The following SPG11 variants were observed in gnomAD, a reference collection of about 807,000 sequenced individuals.
The protein encoded by SPG11 is spatacsin.
In SPG11, 222 loss-of-function variants were observed where a neutral mutation model predicts 274.0. That is an observed-to-expected ratio of 0.81 (90% CI 0.73 to 0.91). The LOEUF is 0.91. Among genes scored for constraint, SPG11 ranks in the 40% least tolerant of loss-of-function variants. The pLI, the probability that SPG11 is intolerant of heterozygous loss-of-function variation, is 0.00. For missense variants in SPG11, 3,114 were observed against 2,872.7 expected, an observed-to-expected ratio of 1.08 and a Z score of -1.92; for synonymous variants, 1,144 against 1,039.7, an observed-to-expected ratio of 1.10 and a Z score of -1.93.
At chr15:44,606,136 AT>A in intron 19 of SPG11, 45 bp from the exon 20 acceptor site, 1 of 1,566,916 alleles carries the variant, frequency 6.4e-7, no homozygotes, top group Non-Finnish European at 8.8e-7. Flanking sequence ...TTCACTGATT[AT>A]AAAATAGGTA....
At position 44,577,059 on chromosome 15, in the gene SPG11, C is replaced by T. The variant is rs147479097; in HGVS notation, c.5867-2018G>A. The stretch of plus-strand genomic sequence containing the variant: ...GCCAGGCTGGTCTTGAACTCCTGAC[C>T]TCAGGTGATCTGCCCACCTTGGCCT... On this transcript the variant is annotated intron_variant, in intron 30 of 39. Coordinates refer to ENST00000261866, the MANE Select transcript of SPG11 (RefSeq NM_025137.4). Among the ~76,000 whole-genome samples the T allele has an allele frequency of 6.2e-3, 943 of 152,246 alleles. 13 individuals carry two copies. Among genetic ancestry groups the T allele is most frequent in the African/African-American group, 0.022 (908 of 41,546 alleles).
chr15:44,656,529 G>A (rs2141119362), intron 4 of SPG11, among the ~76,000 whole-genome samples: 1 of 152,308 alleles, frequency 6.6e-6, no homozygotes, highest in Non-Finnish European at 1.5e-5. Flanking sequence ...TAGGTCAGAG[G>A]ACAGGTGAAG....
At position 44,622,287 on chromosome 15, in the gene SPG11, C is replaced by T. The variant is rs546601155; in HGVS notation, c.2377G>A (p.Val793Met). The change falls in exon 13 of 40, where the codon GTG (valine) becomes ATG (methionine). Residue 793 changes from valine to methionine, a missense_variant. By Grantham distance (21) the Val-to-Met change is conservative. Coordinates refer to ENST00000261866, the MANE Select transcript of SPG11 (RefSeq NM_025137.4). ...SEKEKRTIDF[V>M]HQVEKLYLGH... ...AAATAAAGCTTCTCAACTTGATGCA[C>T]GAAGTCTATAGTTCTTTTCTCTTTT... 737 of 1,595,112 alleles carry T rather than the reference C, an allele frequency of 4.6e-4. 10 individuals are homozygous for T. In the South Asian group the frequency reaches 7.8e-3, roughly 17 times the overall value.
At chr15:44,590,209 G>C (rs548903210) in intron 27 of SPG11, among the ~76,000 whole-genome samples, 1 of 152,260 alleles carries the variant, frequency 6.6e-6, no homozygotes, top group African/African-American at 2.4e-5. Flanking sequence ...ACATTACTTC[G>C]CTAGTTCTAC....
At position 44,567,588 on chromosome 15, in the gene SPG11, C is replaced by A; in HGVS notation, c.6590G>T (p.Gly2197Val). ...VLMRKKLDPSGTLKTALLDYI... is the reference protein window; with the variant it reads ...VLMRKKLDPSVTLKTALLDYI... The stretch of plus-strand genomic sequence containing the variant: ...GTCCAGCAGGGCTGTTTTCAGGGTA[C>A]CACTCTGCCCAGAATAAAAGGGAAA... The change falls in exon 36 of 40, where the codon GGT becomes GTT. Residue 2197 changes from glycine to valine, a missense_variant. Coordinates refer to ENST00000261866, the MANE Select transcript of SPG11 (RefSeq NM_025137.4). 6.2e-7 allele frequency: 1 copy of A among 1,613,946 alleles called. No homozygotes were observed. The highest frequency in any genetic ancestry group is 2.2e-5 in the East Asian group (1 of 44,860).
intron 30 of SPG11, among the ~76,000 whole-genome samples, chr15:44,583,512 T>C (rs867305180): frequency 6.6e-6 from 1 of 152,202 alleles, no homozygotes; most frequent in Admixed American, 6.5e-5. Flanking sequence ...TATTTCTATA[T>C]ACTATCAATG....
intron 7 of SPG11, among the ~76,000 whole-genome samples, chr15:44,644,894 T>C (rs1210037691): frequency 1.3e-5 from 2 of 152,090 alleles, no homozygotes; most frequent in Non-Finnish European, 2.9e-5. Context: ...GCAATGAGAA[T>C]TACAGAACAA....
intron 28 of SPG11, 95 bp downstream of exon 28, chr15:44,589,157 C>G: frequency 7.9e-7 from 1 of 1,272,168 alleles, no homozygotes; most frequent in Non-Finnish European, 1.1e-6. Context: ...GTTAATGTTA[C>G]ATGCATTTTA....
chr15:44,583,587 C>A (rs940038876), intron 30 of SPG11, among the ~76,000 whole-genome samples: 7 of 152,180 alleles, frequency 4.6e-5, no homozygotes, highest in Middle Eastern at 3.2e-3. Flanking sequence ...AGTGAACTAG[C>A]TACAAATCAG....
chr15:44,584,031 C>A lies in SPG11; in HGVS notation c.5649G>T (p.Gly1883=). ...GCACACAGCCATCATCCAGTAGGCGCCCAATCAAAAAGTTTAGTGACTCCT... is the reference window on the plus strand; with the variant it reads ...GCACACAGCCATCATCCAGTAGGCGACCAATCAAAAAGTTTAGTGACTCCT... ...KEQESLNFLI[G]RLLDDGCVHE... Residue 1883 remains glycine (G), a synonymous_variant, in exon 30 of 40, where the codon GGG becomes GGT. Coordinates refer to ENST00000261866, the MANE Select transcript of SPG11 (RefSeq NM_025137.4). 6.2e-7 allele frequency: 1 copy of A among 1,614,180 alleles called. No homozygotes were observed. Among genetic ancestry groups the A allele is most frequent in the Middle Eastern group, 1.6e-4 (1 of 6,062 alleles).
rs575922481 is a variant in SPG11 at position 44,652,985 on chromosome 15, G to T, written c.870-719C>A. ...AGATTTAGGCTGCGACCAGAGGAAT[G>T]CATAAGAACTAGAAGGTAAAGTATG... On this transcript the variant is annotated intron_variant, in intron 4 of 39. Transcript: ENST00000261866. Among the ~76,000 whole-genome samples the T allele has an allele frequency of 2.0e-5, 3 of 152,294 alleles. No homozygotes were observed. In the South Asian group the frequency reaches 6.2e-4, roughly 32 times the overall value.
chr15:44,575,284 T>C, intron 30 of SPG11: 3 of 501,248 alleles, frequency 6.0e-6, no homozygotes, highest in Admixed American at 6.4e-5. Flanking sequence ...ACCTAATGAG[T>C]GCTCTAGAGA....
chr15:44,645,577 G>A (rs2084583619), intron 7 of SPG11, among the ~76,000 whole-genome samples: 1 of 152,022 alleles, frequency 6.6e-6, no homozygotes, highest in Non-Finnish European at 1.5e-5. Context: ...TCATGACAAA[G>A]ACACCAAAAG....
chr15:44,655,175 T>G (rs2084902787), intron 4 of SPG11, among the ~76,000 whole-genome samples: 1 of 152,144 alleles, frequency 6.6e-6, no homozygotes, highest in Non-Finnish European at 1.5e-5. Context: ...GAACGTATAG[T>G]CCCAGCTACT....
chr15:44,589,783 A>T (rs2082857061), intron 27 of SPG11, among the ~76,000 whole-genome samples: 1 of 152,192 alleles, frequency 6.6e-6, no homozygotes, highest in East Asian at 1.9e-4. Context: ...AATTAACCAG[A>T]TGTTTCACTT....
At chr15:44,652,659 T>A (rs965401332) in intron 4 of SPG11, among the ~76,000 whole-genome samples, 1 of 119,772 alleles carries the variant, frequency 8.3e-6, no homozygotes, top group Admixed American at 7.9e-5. Context: ...GCTTTTTTTC[T>A]TTTTTTTTTT....
At chr15:44,617,578 G>A (rs1266105349) in intron 15 of SPG11, among the ~76,000 whole-genome samples, 1 of 152,026 alleles carries the variant, frequency 6.6e-6, no homozygotes, top group Non-Finnish European at 1.5e-5. Context: ...TCTCTACCCC[G>A]GCACCAATAC....
intron 21 of SPG11, among the ~76,000 whole-genome samples, chr15:44,600,027 T>A (rs73417597): frequency 6.6e-6 from 1 of 152,124 alleles, no homozygotes; most frequent in African/African-American, 2.4e-5. Flanking sequence ...CCTCTTTAAC[T>A]GCTAATATTT....
chr15:44,610,238 G>A (rs937275734), intron 18 of SPG11, among the ~76,000 whole-genome samples: 2 of 150,946 alleles, frequency 1.3e-5, no homozygotes, highest in Non-Finnish European at 3.0e-5. Flanking sequence ...TTTTTGTGGA[G>A]ATGGAGGTTT....
Sources: gnomAD v4.1 joint callset for allele counts (sites outside exome capture counted in the v4.1 genomes callset) on GRCh38, gnomAD v4.1.1 for gene constraint, MANE v1.5 for transcripts, NCBI Gene and HGNC (gene_info 2026-07-23, HGNC 2026-07-21) for gene names.